Variants in NIM1K observed in about 807,000 individuals in gnomAD.
NIM1K encodes the protein serine/threonine-protein kinase NIM1.
In NIM1K, 35 loss-of-function variants were observed where a neutral mutation model predicts 37.1. The ratio of observed to expected loss-of-function variants is 0.94; its 90% CI spans 0.72 to 1.25. The LOEUF (loss-of-function observed/expected upper bound fraction) is 1.25. Among genes scored for constraint, NIM1K ranks in the 50% most tolerant of loss-of-function variants. The pLI is 0.00. For synonymous variants in NIM1K, 234 were observed against 206.6 expected (o/e 1.13, Z -1.14); for missense variants, 564 against 548.0 (o/e 1.03, Z -0.29).
At chr5:43,250,967 T>C (rs2112269363) in intron 2 of NIM1K, among the ~76,000 whole-genome samples, 1 of 152,362 alleles carries the variant, frequency 6.6e-6, no homozygotes, top group Admixed American at 6.5e-5. Flanking sequence ...ACTTTAGGCA[T>C]ATTAATCTCT....
At chr5:43,223,563 G>A (rs185621086) in intron 1 of NIM1K, among the ~76,000 whole-genome samples, 4 of 152,216 alleles carry the variant, frequency 2.6e-5, no homozygotes, top group Admixed American at 2.0e-4. Context: ...AGCCATGTAC[G>A]TACATATCTA....
intron 1 of NIM1K, among the ~76,000 whole-genome samples, chr5:43,222,224 A>G (rs7701546): frequency 0.069 from 10,575 of 152,226 alleles, 758 homozygotes; most frequent in African/African-American, 0.19. Context: ...AGGATGTCCA[A>G]TCACTGAAGG....
At chr5:43,238,641 G>A (rs1376386573) in intron 1 of NIM1K, among the ~76,000 whole-genome samples, 2 of 151,900 alleles carry the variant, frequency 1.3e-5, no homozygotes, top group East Asian at 3.9e-4. Context: ...TTGGTTGGAA[G>A]CTCCCTGCGT....
intron 2 of NIM1K, among the ~76,000 whole-genome samples, chr5:43,246,561 G>A (rs1057395040): frequency 2.6e-5 from 4 of 151,734 alleles, no homozygotes; most frequent in African/African-American, 9.7e-5. Context: ...CCCCCGATGG[G>A]CGCTGTCTCT....
chr5:43,213,953 T>C (rs72752592), intron 1 of NIM1K, among the ~76,000 whole-genome samples: 1 of 81,776 alleles, frequency 1.2e-5, no homozygotes. Context: ...TTCTTTCTTT[T>C]TTCTTTCTCC....
At chr5:43,262,733 T>A (rs2112286546) in intron 2 of NIM1K, among the ~76,000 whole-genome samples, 2 of 152,324 alleles carry the variant, frequency 1.3e-5, no homozygotes, top group South Asian at 4.1e-4. Context: ...CATATGATAT[T>A]GGCTGTGGGT....
At chr5:43,279,357 C>T (rs527248381) in intron 3 of NIM1K, among the ~76,000 whole-genome samples, 1 of 152,242 alleles carries the variant, frequency 6.6e-6, no homozygotes, top group Admixed American at 6.5e-5. Context: ...CCAGGAGGGC[C>T]ATCAGGAAAG....
intron 1 of NIM1K, among the ~76,000 whole-genome samples, chr5:43,216,240 A>G (rs1042702034): frequency 1.3e-5 from 2 of 152,068 alleles, no homozygotes; most frequent in East Asian, 3.9e-4. Context: ...AGTTGAGGAA[A>G]TGGAAACTGG....
rs369666110 is a variant in NIM1K, at chr5:43,261,824, A to G, written c.293-15233A>G. On this transcript the variant is annotated intron_variant, in intron 2 of 3. Coordinates refer to ENST00000326035, the MANE Select transcript of NIM1K (RefSeq NM_153361.4). Reference sequence around the variant, plus strand: ...AAGGGATCCAGTTTCCACTTTCTACATATGGCCAGCCAGTTTTCCCAGCAC... The same window carrying G: ...AAGGGATCCAGTTTCCACTTTCTACGTATGGCCAGCCAGTTTTCCCAGCAC... Among the ~76,000 whole-genome samples, 80 of 152,344 alleles carry G rather than the reference A, an allele frequency of 5.3e-4. 1 individual carries two copies. In the East Asian group the frequency reaches 7.5e-3, roughly 14 times the overall value.
At chr5:43,232,372 G>C in intron 1 of NIM1K, 1 of 1,372,900 alleles carries the variant, frequency 7.3e-7, no homozygotes, top group South Asian at 1.2e-5. Flanking sequence ...TGTCCAGACG[G>C]AAGTGGATGG....
intron 1 of NIM1K, chr5:43,225,803 T>G (rs951273423): frequency 3.3e-5 from 5 of 153,168 alleles, no homozygotes; most frequent in African/African-American, 1.2e-4. Flanking sequence ...TTTGCTTCCT[T>G]ATTTGTCTTC....
chr5:43,232,270 CTGGT>C, intron 1 of NIM1K: 11 of 1,107,846 alleles, frequency 9.9e-6, no homozygotes, highest in Non-Finnish European at 1.5e-5. Flanking sequence ...ATTTCATCAT[CTGGT>C]TGGCAGGCTG....
chr5:43,273,343 A>C (rs1753286870), intron 2 of NIM1K, among the ~76,000 whole-genome samples: 1 of 151,948 alleles, frequency 6.6e-6, no homozygotes, highest in South Asian at 2.1e-4. Flanking sequence ...AGCCAGAATT[A>C]CAGGCGGCTG....
At chr5:43,270,669 G>C (rs1173425333) in intron 2 of NIM1K, among the ~76,000 whole-genome samples, 1 of 152,208 alleles carries the variant, frequency 6.6e-6, no homozygotes, top group Non-Finnish European at 1.5e-5. Context: ...TTAGTGACCA[G>C]AAATTCAAAG....
intron 1 of NIM1K, chr5:43,233,042 C>T (rs1177752199): frequency 3.9e-6 from 5 of 1,288,384 alleles, no homozygotes; most frequent in Admixed American, 1.7e-5. Flanking sequence ...GAGTCATCTC[C>T]TCCCCGAGTG....
intron 2 of NIM1K, among the ~76,000 whole-genome samples, chr5:43,269,308 C>CAAAAAAAAA (rs1359809549): frequency 4.0e-4 from 22 of 55,688 alleles, no homozygotes; most frequent in East Asian, 1.2e-3. Flanking sequence ...GACTTCATCT[C>CAAAAAAAAA]AAAAAAAAAA....
intron 2 of NIM1K, 45 bp from the exon 3 acceptor site, chr5:43,277,012 T>A: frequency 6.3e-7 from 1 of 1,598,180 alleles, no homozygotes. Context: ...GTTCTAACTA[T>A]GCTCCTGTGA....
intron 1 of NIM1K, among the ~76,000 whole-genome samples, chr5:43,223,327 T>C (rs1243005611): frequency 6.6e-6 from 1 of 152,174 alleles, no homozygotes; most frequent in Non-Finnish European, 1.5e-5. Flanking sequence ...AAACCTGATA[T>C]ATTAGCACCT....
intron 1 of NIM1K, among the ~76,000 whole-genome samples, chr5:43,243,633 T>A (rs1458598388): frequency 6.6e-6 from 1 of 152,086 alleles, no homozygotes; most frequent in East Asian, 1.9e-4. Context: ...TGACTTAGAT[T>A]TTCTTCACTC....
Sources: gnomAD v4.1 joint callset for allele counts (sites outside exome capture counted in the v4.1 genomes callset) on GRCh38, gnomAD v4.1.1 for gene constraint, MANE v1.5 for transcripts, NCBI Gene and HGNC (gene_info 2026-07-23, HGNC 2026-07-21) for gene names.